CCDC178: variants seen among roughly 807,000 people sequenced by gnomAD.
CCDC178 encodes the protein coiled-coil domain-containing protein 178.
A neutral mutation model predicts 117.4 loss-of-function variants in CCDC178; 126 were observed. The ratio of observed to expected loss-of-function variants is 1.07; its 90% CI spans 0.93 to 1.24. CCDC178 has a LOEUF of 1.24. Among genes scored for constraint, CCDC178 ranks in the 50% most tolerant of loss-of-function variants. The probability of loss-of-function intolerance (pLI) is 0.00; values close to 1 mark genes in which losing one functional copy is unlikely to be tolerated. For synonymous variants in CCDC178, 283 were observed against 313.4 expected (o/e 0.90, Z 1.02); for missense variants, 1,030 against 986.9 (o/e 1.04, Z -0.59).
At chr18:33,217,668 C>T (rs2059182615) in intron 18 of CCDC178, among the ~76,000 whole-genome samples, 1 of 151,916 alleles carries the variant, frequency 6.6e-6, no homozygotes, top group South Asian at 2.1e-4. Context: ...TTTCTTAGCA[C>T]AGAAGCAAAT....
chr18:33,062,775 C>T (rs1405592676), intron 21 of CCDC178, among the ~76,000 whole-genome samples: 1 of 152,062 alleles, frequency 6.6e-6, no homozygotes, highest in Admixed American at 6.5e-5. Context: ...CCCTAGACCC[C>T]ACCATATTAC....
intron 14 of CCDC178, among the ~76,000 whole-genome samples, chr18:33,254,761 G>T (rs1475535282): frequency 6.6e-6 from 1 of 152,044 alleles, no homozygotes; most frequent in Non-Finnish European, 1.5e-5. Flanking sequence ...GGAGGAAAAA[G>T]TAAATTCCTA....
At chr18:33,084,372 T>A (rs1483825269) in intron 21 of CCDC178, among the ~76,000 whole-genome samples, 2 of 152,240 alleles carry the variant, frequency 1.3e-5, no homozygotes, top group Non-Finnish European at 2.9e-5. Flanking sequence ...GTCTTTTCCA[T>A]CTGTAAAATT....
chr18:33,223,045 A>G (rs1305339356), intron 18 of CCDC178, 61 bp downstream of exon 18: 1 of 1,235,402 alleles, frequency 8.1e-7, no homozygotes, highest in African/African-American at 1.5e-5. Context: ...TTGCTTGAAT[A>G]GTTTTCACTG....
At chr18:33,434,124 GTTGTTAAA>G (rs1226342175) in intron 2 of CCDC178, among the ~76,000 whole-genome samples, 2 of 151,998 alleles carry the variant, frequency 1.3e-5, no homozygotes, top group Non-Finnish European at 2.9e-5. Flanking sequence ...ATTTCCTATT[GTTGTTAAA>G]TTCTTCATTA....
chr18:33,394,956 TA>T (rs2063614370), intron 4 of CCDC178, among the ~76,000 whole-genome samples: 1 of 126,874 alleles, frequency 7.9e-6, no homozygotes, highest in Non-Finnish European at 1.7e-5. Context: ...TATATATATA[TA>T]TATATATATA....
At chr18:33,097,735 G>C (rs2057564023) in intron 20 of CCDC178, among the ~76,000 whole-genome samples, 1 of 152,024 alleles carries the variant, frequency 6.6e-6, no homozygotes, top group Non-Finnish European at 1.5e-5. Flanking sequence ...GAATTCCATA[G>C]TTCTAAGTCC....
intron 10 of CCDC178, among the ~76,000 whole-genome samples, chr18:33,325,689 A>G (rs1349032848): frequency 1.3e-5 from 2 of 152,086 alleles, no homozygotes; most frequent in African/African-American, 4.8e-5. Context: ...TTTCCCTTTG[A>G]TACTGGAATA....
chr18:33,049,487 A>G (rs1164571068), intron 21 of CCDC178, among the ~76,000 whole-genome samples: 1 of 151,910 alleles, frequency 6.6e-6, no homozygotes, highest in Non-Finnish European at 1.5e-5. Context: ...TTAAATTTTT[A>G]TCACTTTACA....
At chr18:32,998,198 T>C (rs1568207718) in intron 21 of CCDC178, among the ~76,000 whole-genome samples, 1 of 152,158 alleles carries the variant, frequency 6.6e-6, no homozygotes, top group African/African-American at 2.4e-5. Flanking sequence ...GGACTTTGCG[T>C]TGGAAGTCAG....
intron 15 of CCDC178, among the ~76,000 whole-genome samples, chr18:33,235,115 ATAG>A (rs749393662): frequency 3.3e-4 from 50 of 152,298 alleles, no homozygotes; most frequent in Non-Finnish European, 5.7e-4. Context: ...AGGTGAACAA[ATAG>A]TAGTTGAAGG....
chr18:33,217,625 T>C (rs1055004189), intron 18 of CCDC178, among the ~76,000 whole-genome samples: 2 of 152,058 alleles, frequency 1.3e-5, no homozygotes, highest in Admixed American at 1.3e-4. Context: ...TTATTGGTCA[T>C]GTATAAATAA....
chr18:33,003,486 C>T (rs1240907831), intron 21 of CCDC178, among the ~76,000 whole-genome samples: 2 of 152,056 alleles, frequency 1.3e-5, no homozygotes, highest in Non-Finnish European at 2.9e-5. Context: ...AATTTAACAT[C>T]CTTTCATAAT....
chr18:33,195,789 T>C (rs1007093132), intron 20 of CCDC178, among the ~76,000 whole-genome samples: 1 of 152,230 alleles, frequency 6.6e-6, no homozygotes, highest in Non-Finnish European at 1.5e-5. Context: ...TAATAACTTA[T>C]ACTACACTGA....
intron 5 of CCDC178, among the ~76,000 whole-genome samples, chr18:33,388,306 T>C (rs2063521638): frequency 1.3e-5 from 2 of 152,118 alleles, no homozygotes; most frequent in African/African-American, 4.8e-5. Context: ...AGTGTGGCAA[T>C]TCCTCAAAGA....
intron 9 of CCDC178, among the ~76,000 whole-genome samples, chr18:33,342,505 T>C (rs1418543698): frequency 6.6e-6 from 1 of 152,212 alleles, no homozygotes; most frequent in Non-Finnish European, 1.5e-5. Flanking sequence ...GAATTGTATC[T>C]CCAAATGGAT....
At chr18:33,278,243 A>C (rs1360635591) in intron 12 of CCDC178, among the ~76,000 whole-genome samples, 3 of 128,694 alleles carry the variant, frequency 2.3e-5, no homozygotes, top group Admixed American at 1.5e-4. Flanking sequence ...ATATATATAT[A>C]TATATATCTA....
chr18:33,434,079 C>A lies in CCDC178; in HGVS notation c.-23+5883G>T, dbSNP rs542163455. 2.0e-5 allele frequency among the ~76,000 whole-genome samples: 3 copies of A among 152,132 alleles called. No individual in the cohort carries two copies. In the South Asian group the frequency reaches 6.2e-4, roughly 32 times the overall value. ...ATCCAACAGTATAGCTTTTGAGAAG[C>A]ACTAAATGAAGCTGGAAAATTAAGC... On this transcript the variant is annotated intron_variant, in intron 2 of 22. Coordinates refer to ENST00000383096, the MANE Select transcript of CCDC178 (RefSeq NM_001105528.4).
At chr18:33,425,162 G>A (rs935107048) in intron 2 of CCDC178, among the ~76,000 whole-genome samples, 5 of 152,080 alleles carry the variant, frequency 3.3e-5, no homozygotes, top group Admixed American at 2.0e-4. Flanking sequence ...CCCTATGCAA[G>A]GTTAAACATA....
Sources: gnomAD v4.1 joint callset for allele counts (sites outside exome capture counted in the v4.1 genomes callset) on GRCh38, gnomAD v4.1.1 for gene constraint, MANE v1.5 for transcripts, NCBI Gene and HGNC (gene_info 2026-07-23, HGNC 2026-07-21) for gene names.